Variants in DOP1A observed in about 807,000 individuals in gnomAD.
DOP1A encodes DOP1 leucine zipper like protein A.
DOP1A carries 90 observed loss-of-function variants against 267.6 expected under a neutral mutation model. That is an observed-to-expected ratio of 0.34 (90% CI 0.28 to 0.40). DOP1A has a LOEUF of 0.40. Among genes scored for constraint, DOP1A ranks in the 10% least tolerant of loss-of-function variants. The pLI is 1.00. For missense variants in DOP1A, 2,437 were observed against 2,900.4 expected, an observed-to-expected ratio of 0.84 and a Z score of 3.67; for synonymous variants, 932 against 999.1, an observed-to-expected ratio of 0.93 and a Z score of 1.27.
intron 21 of DOP1A, 76 bp downstream of exon 21, chr6:83,139,238 C>G (rs1442546056): frequency 8.7e-7 from 1 of 1,145,494 alleles, no homozygotes; most frequent in Non-Finnish European, 1.3e-6. Flanking sequence ...GAAAGTTGGT[C>G]ACAACTTGAG....
At chr6:83,123,404 T>C (rs540589254) in intron 12 of DOP1A, among the ~76,000 whole-genome samples, 1 of 152,166 alleles carries the variant, frequency 6.6e-6, no homozygotes, top group South Asian at 2.1e-4. Context: ...TGGGAAGTGA[T>C]AAAAGCCTTC....
intron 33 of DOP1A, 125 bp from the exon 34 acceptor site, chr6:83,155,826 T>C: frequency 8.8e-7 from 1 of 1,141,124 alleles, no homozygotes; most frequent in South Asian, 1.7e-5. Context: ...GAGAGGGGCA[T>C]CAAGTTTTGT....
chr6:83,122,017 C>G lies in DOP1A; in HGVS notation c.1187C>G (p.Pro396Arg). The change falls in exon 11 of 39, where the codon CCA becomes CGA. Residue 396 changes from proline (P) to arginine (R), a missense_variant. By Grantham distance (103) the Pro-to-Arg change is moderately radical. Around this residue, in one of 9 missense-constraint regions of DOP1A, gnomAD observed 498 missense variants for 513.5 expected, o/e 0.97. Coordinates refer to ENST00000349129, the MANE Select transcript of DOP1A (RefSeq NM_015018.4). ...GCAGAGTTGGATCTTCAAACTGAACCACCCTTCAGCAAGGATCATGCTCAG... is the reference window on the plus strand; with the variant it reads ...GCAGAGTTGGATCTTCAAACTGAACGACCCTTCAGCAAGGATCATGCTCAG... ...CKAELDLQTE[P>R]PFSKDHAQLS... The G allele has an allele frequency of 6.2e-7, 1 of 1,611,302 alleles. No homozygotes were observed. Among genetic ancestry groups the G allele is most frequent in the Non-Finnish European group, 8.5e-7 (1 of 1,178,052 alleles).
chr6:83,130,385 T>A lies in DOP1A; in HGVS notation c.2604T>A (p.Thr868=), dbSNP rs1362846962. The change falls in exon 17 of 39, where the codon ACT becomes ACA. Residue 868 remains threonine (T), a synonymous_variant. Coordinates refer to ENST00000349129, the MANE Select transcript of DOP1A (RefSeq NM_015018.4). The part of the protein sequence containing the change: ...QGNLRYIAEK[T]EFFKHVALTL... ...ATCTGAGGTACATAGCTGAGAAGAC[T>A]GAATTTTTCAAGGTAAATTCTAAGA... 6.2e-7 allele frequency: 1 copy of A among 1,611,536 alleles called. No individual in the cohort carries two copies. Among genetic ancestry groups the A allele is most frequent in the African/African-American group, 1.3e-5 (1 of 74,918 alleles).
chr6:83,136,004 C>T (rs928478732), intron 20 of DOP1A, 126 bp downstream of exon 20: 2 of 1,105,508 alleles, frequency 1.8e-6, no homozygotes, highest in Non-Finnish European at 2.5e-6. Context: ...TTTCTCCCCT[C>T]CTCATGCACT....
intron 1 of DOP1A, among the ~76,000 whole-genome samples, chr6:83,085,905 T>C (rs1769132040): frequency 6.6e-6 from 1 of 152,176 alleles, no homozygotes; most frequent in African/African-American, 2.4e-5. Context: ...AATGTGTCTC[T>C]GGCTTCTCTG....
chr6:83,114,199 T>C (rs1177468642), intron 7 of DOP1A, among the ~76,000 whole-genome samples: 1 of 148,986 alleles, frequency 6.7e-6, no homozygotes. Context: ...TTAACATTTT[T>C]CTTTTACTTA....
At chr6:83,110,845 A>G (rs1238482362) in intron 6 of DOP1A, among the ~76,000 whole-genome samples, 2 of 152,176 alleles carry the variant, frequency 1.3e-5, no homozygotes, top group Admixed American at 1.3e-4. Flanking sequence ...TTTAATGCAT[A>G]TTTCTGGTTA....
chr6:83,111,363 C>G (rs1345468431), intron 6 of DOP1A, among the ~76,000 whole-genome samples: 3 of 151,072 alleles, frequency 2.0e-5, no homozygotes, highest in Non-Finnish European at 2.9e-5. Context: ...TATGGACATG[C>G]GTTTTCATTT....
At position 83,132,245 on chromosome 6, in the gene DOP1A, C is replaced by A; in HGVS notation, c.2686C>A (p.Leu896Ile). ...TCAGCATCACCAGAAGAGTGTGGAA[C>A]TATTTTATCAATTACATAACTTAGT... The part of the protein sequence containing the change: ...TPQHHQKSVE[L>I]FYQLHNLVPS... The change falls in exon 18 of 39, where the codon CTA becomes ATA. Residue 896 changes from leucine (L) to isoleucine (I), a missense_variant. By Grantham distance (5) the Leu-to-Ile change is conservative. Around this residue, in one of 9 missense-constraint regions of DOP1A, gnomAD observed 878 missense variants for 992.9 expected, o/e 0.88. Coordinates refer to ENST00000349129, the MANE Select transcript of DOP1A (RefSeq NM_015018.4). 6.2e-7 allele frequency: 1 copy of A among 1,613,868 alleles called. No homozygotes were observed. Among genetic ancestry groups the A allele is most frequent in the East Asian group, 2.2e-5 (1 of 44,870 alleles).
chr6:83,100,356 ATGTTACATGTTCATGTAACATTCCAGC>A (rs1389653867), intron 3 of DOP1A, among the ~76,000 whole-genome samples: 1 of 152,142 alleles, frequency 6.6e-6, no homozygotes, highest in African/African-American at 2.4e-5. Flanking sequence ...GTAACTTTCC[ATGTTACATGTTCATGTAACATTCCAGC>A]TGTCTTCTCA....
downstream of DOP1A, chr6:83,169,106 T>G (rs1202868996): frequency 1.4e-6 from 2 of 1,480,318 alleles, no homozygotes; most frequent in Non-Finnish European, 1.8e-6. Flanking sequence ...GAAAAACAGA[T>G]CTAGAGACAA....
rs148719618 is a variant in DOP1A, at chr6:83,132,209, G to T, written c.2650G>T (p.Asp884Tyr). 2.1e-4 allele frequency: 341 copies of T among 1,612,372 alleles called. 1 individual carries two copies. In the African/African-American group the frequency reaches 3.8e-3, roughly 18 times the overall value. The change falls in exon 18 of 39, where the codon GAT (aspartate) becomes TAT (tyrosine). Residue 884 changes from aspartate to tyrosine, a missense_variant. By Grantham distance (160) the Asp-to-Tyr change is radical (BLOSUM62 -3). This residue lies in a region of DOP1A where 878 missense variants were observed against 992.9 expected (regional missense o/e 0.88). Coordinates refer to ENST00000349129, the MANE Select transcript of DOP1A (RefSeq NM_015018.4). ...VALTLWDQLG[D>Y]GTPQHHQKSV... is the part of the protein sequence containing the mutation. Reference sequence around the variant, plus strand: ...TTTAACATTGTGGGACCAGTTGGGAGATGGGACACCTCAGCATCACCAGAA... The same window carrying T: ...TTTAACATTGTGGGACCAGTTGGGATATGGGACACCTCAGCATCACCAGAA...
intron 8 of DOP1A, 66 bp from the exon 9 acceptor site, chr6:83,119,682 G>A (rs1776044770): frequency 1.5e-6 from 2 of 1,354,946 alleles, no homozygotes; most frequent in Non-Finnish European, 1.0e-6. Context: ...TTGCTGTTTT[G>A]GTATTTAGTG....
chr6:83,075,663 TG>T (rs534350013), intron 1 of DOP1A, among the ~76,000 whole-genome samples: 72 of 152,128 alleles, frequency 4.7e-4, no homozygotes, highest in Non-Finnish European at 9.1e-4. Flanking sequence ...TCAATGAAAT[TG>T]AATGGAGAGC....
At chr6:83,159,016 T>A (rs664153) in intron 36 of DOP1A, among the ~76,000 whole-genome samples, 29,086 of 152,172 alleles carry the variant, frequency 0.19, 2,864 homozygotes, top group Non-Finnish European at 0.22. Flanking sequence ...AATATACTTT[T>A]ATTCTTTTTA....
chr6:83,085,989 T>C (rs927890781), intron 1 of DOP1A, among the ~76,000 whole-genome samples: 1 of 151,956 alleles, frequency 6.6e-6, no homozygotes, highest in African/African-American at 2.4e-5. Flanking sequence ...CTATAACTGG[T>C]TAGAATAATA....
At chr6:83,077,675 C>CA (rs1412866403) in intron 1 of DOP1A, among the ~76,000 whole-genome samples, 2 of 151,230 alleles carry the variant, frequency 1.3e-5, no homozygotes, top group South Asian at 4.2e-4. Context: ...GACCTTGTCT[C>CA]AAAAAAATAA....
rs147812480 is a variant in DOP1A at position 83,137,871 on chromosome 6, T to C, written c.3829T>C (p.Ser1277Pro). 5.1e-5 allele frequency: 82 copies of C among 1,613,182 alleles called. No homozygotes were observed. In the African/African-American group the frequency reaches 1.0e-3, roughly 20 times the overall value. ...TCAATTCAGCTTCAAAGAAAAATTA[T>C]CAGAAAAAGTTTCGGAGAAGGAAAC... ...SIQFSFKEKL[S>P]EKVSEKETIV... Residue 1277 changes from serine to proline, a missense_variant, in exon 21 of 39, where the codon TCA becomes CCA. Ser to Pro is a moderately conservative substitution (Grantham distance 74, BLOSUM62 -1). This residue lies in a region of DOP1A where 878 missense variants were observed against 992.9 expected (regional missense o/e 0.88). Transcript: ENST00000349129.
Sources: gnomAD v4.1 joint callset for allele counts (sites outside exome capture counted in the v4.1 genomes callset) on GRCh38, gnomAD v4.1.1 for gene constraint, gnomAD v4.1.1 regional missense constraint, MANE v1.5 for transcripts, NCBI Gene and HGNC (gene_info 2026-07-23, HGNC 2026-07-21) for gene names.